Variants in KDM4B observed in about 807,000 individuals in gnomAD.
KDM4B encodes the protein lysine demethylase 4B.
In KDM4B, 32 loss-of-function variants were observed where a neutral mutation model predicts 125.2. The ratio of observed to expected loss-of-function variants is 0.26; its 90% confidence interval spans 0.19 to 0.34. The LOEUF (loss-of-function observed/expected upper bound fraction) is 0.34, where lower values mean the gene tolerates loss of function less well. KDM4B is among the 10% of genes least tolerant of loss of function. The pLI is 1.00. For synonymous variants in KDM4B, 721 were observed against 677.9 expected (o/e 1.06, Z -0.99); for missense variants, 1,190 against 1,577.7 (o/e 0.75, Z 4.16).
In KDM4B at chr19:5,144,849, G is replaced by A. The variant is rs770960571; in HGVS notation, c.2968G>A (p.Gly990Ser). Reference sequence around the variant, plus strand: ...GCTGGTGGAGCTCCGGTGGACTGACGGCAACCTCTACAAGGCCAAGTTCAT... The same window carrying A: ...GCTGGTGGAGCTCCGGTGGACTGACAGCAACCTCTACAAGGCCAAGTTCAT... Reference protein sequence around the residue: ...GELVELRWTDGNLYKAKFISS... With the variant: ...GELVELRWTDSNLYKAKFISS... The change falls in exon 21 of 23, where the codon GGC (glycine) becomes AGC (serine). Residue 990 changes from glycine (G) to serine (S), a missense_variant. By Grantham distance (56) the Gly-to-Ser change is moderately conservative. This residue lies in a region of KDM4B where 298 missense variants were observed against 439.7 expected (regional missense o/e 0.68). Coordinates refer to ENST00000159111, the MANE Select transcript of KDM4B (RefSeq NM_015015.3). 1.3e-5 allele frequency: 21 copies of A among 1,613,040 alleles called. No individual in the cohort carries two copies. The highest frequency in any genetic ancestry group is 8.4e-5 in the Admixed American group (5 of 59,868).
At chr19:5,150,630 TC>T (rs1282361588) in intron 22 of KDM4B, among the ~76,000 whole-genome samples, 180 bp downstream of exon 22, 1 of 152,126 alleles carries the variant, frequency 6.6e-6, no homozygotes, top group Non-Finnish European at 1.5e-5. Context: ...AGGAGACCCT[TC>T]CTTTGCCTTG....
intron 6 of KDM4B, among the ~76,000 whole-genome samples, chr19:5,054,242 G>A (rs2037323294): frequency 6.6e-6 from 1 of 152,192 alleles, no homozygotes; most frequent in Non-Finnish European, 1.5e-5. Flanking sequence ...GTGCACAACT[G>A]GCAAATTTTT....
chr19:5,143,591 T>A (rs938302882), intron 18 of KDM4B, among the ~76,000 whole-genome samples: 1 of 152,122 alleles, frequency 6.6e-6, no homozygotes. Context: ...GGCACATCTC[T>A]GTCGCCACGT....
At chr19:5,096,970 A>G (rs2038839763) in intron 9 of KDM4B, among the ~76,000 whole-genome samples, 1 of 152,202 alleles carries the variant, frequency 6.6e-6, no homozygotes, top group Admixed American at 6.5e-5. Context: ...GAGGCCACAC[A>G]GGGTGGCTTC....
intron 9 of KDM4B, among the ~76,000 whole-genome samples, chr19:5,098,958 C>G (rs976692079): frequency 2.6e-5 from 4 of 152,246 alleles, no homozygotes; most frequent in Admixed American, 2.6e-4. Context: ...CCAGTCACTT[C>G]CTCACATGCC....
chr19:5,065,087 C>A (rs2037726878), intron 6 of KDM4B, among the ~76,000 whole-genome samples: 1 of 152,178 alleles, frequency 6.6e-6, no homozygotes, highest in African/African-American at 2.4e-5. Flanking sequence ...GTCAGCCAGG[C>A]AGGCAGTGCC....
At chr19:4,976,975 C>T (rs928481317) in intron 1 of KDM4B, among the ~76,000 whole-genome samples, 1 of 152,228 alleles carries the variant, frequency 6.6e-6, no homozygotes, top group Non-Finnish European at 1.5e-5. Flanking sequence ...TCTGGAGAGG[C>T]TTGCTCAGAA....
intron 18 of KDM4B, among the ~76,000 whole-genome samples, chr19:5,143,066 C>T (rs1377156374): frequency 6.6e-6 from 1 of 152,082 alleles, no homozygotes; most frequent in Non-Finnish European, 1.5e-5. Context: ...TGGCTCACGC[C>T]TGTAATCCCA....
chr19:4,987,469 C>T (rs2034877720), intron 1 of KDM4B, among the ~76,000 whole-genome samples: 1 of 151,606 alleles, frequency 6.6e-6, no homozygotes, highest in Non-Finnish European at 1.5e-5. Context: ...GGGCAGACAT[C>T]TTCCCGGCCG....
intron 9 of KDM4B, among the ~76,000 whole-genome samples, chr19:5,087,408 C>T (rs1158660887): frequency 6.6e-6 from 1 of 152,200 alleles, no homozygotes; most frequent in African/African-American, 2.4e-5. Flanking sequence ...AACCTGGTGT[C>T]ATGGACCTGC....
intron 7 of KDM4B, chr19:5,075,707 G>A (rs2038084114): frequency 6.6e-6 from 1 of 152,292 alleles, no homozygotes; most frequent in African/African-American, 2.4e-5. Context: ...CTCCTAGACA[G>A]ACAGCCCCAC....
chr19:5,084,874 G>A (rs538223678), intron 9 of KDM4B, among the ~76,000 whole-genome samples: 16 of 48,794 alleles, frequency 3.3e-4, no homozygotes, highest in African/African-American at 1.3e-3. Context: ...CCGCCGCCCC[G>A]GCCCACCCTT....
chr19:5,025,266 A>C (rs1471916813), intron 2 of KDM4B, among the ~76,000 whole-genome samples: 1 of 152,236 alleles, frequency 6.6e-6, no homozygotes, highest in Non-Finnish European at 1.5e-5. Flanking sequence ...GGGATCGCTA[A>C]GCCCAGGAGT....
intron 2 of KDM4B, among the ~76,000 whole-genome samples, chr19:5,023,758 A>ATTTTTTTTTTT (rs148293792): frequency 1.1e-5 from 1 of 89,122 alleles, no homozygotes; most frequent in African/African-American, 4.7e-5. Flanking sequence ...GTCTTTTTGA[A>ATTTTTTTTTTT]TTTTTTTTTT....
At chr19:5,110,910 C>G in intron 10 of KDM4B, 92 bp downstream of exon 10, 5 of 1,023,484 alleles carry the variant, frequency 4.9e-6, no homozygotes, top group Non-Finnish European at 6.9e-6. Flanking sequence ...GGCAGGGGCT[C>G]CGGGCCGTGT....
intron 1 of KDM4B, 108 bp from the exon 2 acceptor site, chr19:5,016,149 A>ATT (rs2035886273): frequency 6.6e-6 from 1 of 152,264 alleles, no homozygotes; most frequent in Non-Finnish European, 1.5e-5. Flanking sequence ...AAATCTGAAT[A>ATT]AAGGCAAGCG....
At chr19:5,012,924 A>AC (rs2145497442) in intron 1 of KDM4B, among the ~76,000 whole-genome samples, 1 of 152,306 alleles carries the variant, frequency 6.6e-6, no homozygotes, top group African/African-American at 2.4e-5. Context: ...CCTGGGCCCC[A>AC]ACCCCTCGTC....
At chr19:5,134,840 A>G (rs1371337513) in intron 14 of KDM4B, among the ~76,000 whole-genome samples, 8 of 152,274 alleles carry the variant, frequency 5.3e-5, no homozygotes, top group African/African-American at 1.9e-4. Flanking sequence ...TGGGAGCTGG[A>G]TTTAGTGCTC....
At chr19:5,117,549 G>A (rs766139424) in intron 10 of KDM4B, among the ~76,000 whole-genome samples, 20 of 152,148 alleles carry the variant, frequency 1.3e-4, no homozygotes, top group Admixed American at 1.3e-4. Flanking sequence ...CCCCAGCGCC[G>A]GTCTGAAGCT....
Sources: gnomAD v4.1 joint callset for allele counts (sites outside exome capture counted in the v4.1 genomes callset) on GRCh38, gnomAD v4.1.1 for gene constraint, gnomAD v4.1.1 regional missense constraint, MANE v1.5 for transcripts, NCBI Gene and HGNC (gene_info 2026-07-23, HGNC 2026-07-21) for gene names.